Variants in SPIDR observed in about 807,000 individuals in gnomAD.
SPIDR encodes DNA repair-scaffolding protein.
Under a neutral mutation model 104.6 loss-of-function variants are expected in SPIDR, and 93 were observed. The ratio of observed to expected loss-of-function variants is 0.89; its 90% CI spans 0.75 to 1.06. The LOEUF is 1.06. Among genes scored for constraint, SPIDR ranks in the 50% least tolerant of loss-of-function variants. SPIDR has a pLI of 0.00. For synonymous variants in SPIDR, 431 were observed against 416.9 expected (o/e 1.03, Z -0.41); for missense variants, 1,154 against 1,111.2 (o/e 1.04, Z -0.55).
At chr8:47,478,924 C>G (rs138202827) in intron 8 of SPIDR, among the ~76,000 whole-genome samples, 49 of 152,276 alleles carry the variant, frequency 3.2e-4, no homozygotes, top group African/African-American at 1.1e-3. Context: ...GAGGCACTTA[C>G]TCATCCAAGC....
At chr8:47,453,342 T>C (rs920301662) in intron 8 of SPIDR, among the ~76,000 whole-genome samples, 2 of 152,226 alleles carry the variant, frequency 1.3e-5, no homozygotes, top group Non-Finnish European at 2.9e-5. Flanking sequence ...TGAATGACTT[T>C]CTTCACAGAG....
chr8:47,351,772 C>T (rs1244187852), intron 5 of SPIDR, among the ~76,000 whole-genome samples: 2 of 152,020 alleles, frequency 1.3e-5, no homozygotes, highest in Admixed American at 1.3e-4. Flanking sequence ...TATAACTAGT[C>T]TAGAGATGAA....
chr8:47,658,045 A>G (rs1052351117), intron 10 of SPIDR, among the ~76,000 whole-genome samples: 80 of 144,118 alleles, frequency 5.6e-4, no homozygotes, highest in African/African-American at 1.0e-3. Context: ...AAAAAAAAAA[A>G]AAAAGAAAAA....
intron 10 of SPIDR, among the ~76,000 whole-genome samples, chr8:47,669,096 A>G (rs1430759640): frequency 6.6e-6 from 1 of 152,234 alleles, no homozygotes; most frequent in Admixed American, 6.5e-5. Flanking sequence ...CATACAGATA[A>G]GCAACTTTTG....
chr8:47,279,863 G>A lies in SPIDR; in HGVS notation c.35G>A (p.Arg12Lys), dbSNP rs1040174636. The A allele has an allele frequency of 2.7e-5, 44 of 1,605,120 alleles. No individual in the cohort carries two copies. The highest frequency in any genetic ancestry group is 3.5e-5 in the Admixed American group (2 of 57,914). Residue 12 changes from arginine to lysine, a missense_variant and splice_region_variant, in exon 2 of 20, where the codon AGA (arginine) becomes AAA (lysine). Coordinates refer to ENST00000297423, the MANE Select transcript of SPIDR (RefSeq NM_001080394.4). ...TTCTTTTAAAAATCATCTCCACAGA[G>A]AAAAAGGAGTTGGAATACAGAATGC... ...PRGSRARGSKRKRSWNTECPS... is the reference protein window; with the variant it reads ...PRGSRARGSKKKRSWNTECPS...
chr8:47,277,086 G>C (rs1003933079), intron 1 of SPIDR: 9 of 151,664 alleles, frequency 5.9e-5, no homozygotes, highest in African/African-American at 2.2e-4. Context: ...GCGCCACCAC[G>C]CCTGGCTAAT....
At chr8:47,664,769 T>TAAAA (rs2074665703) in intron 10 of SPIDR, among the ~76,000 whole-genome samples, 1 of 137,632 alleles carries the variant, frequency 7.3e-6, no homozygotes. Flanking sequence ...AAAAAAAAAT[T>TAAAA]AGCCAGGTGT....
chr8:47,674,128 A>G (rs946912440), intron 11 of SPIDR, among the ~76,000 whole-genome samples, 187 bp downstream of exon 11: 2 of 152,238 alleles, frequency 1.3e-5, no homozygotes, highest in East Asian at 1.9e-4. Flanking sequence ...TTCAATTGAC[A>G]ACGAAAAGAA....
intron 7 of SPIDR, among the ~76,000 whole-genome samples, chr8:47,424,425 C>T (rs1554683217): frequency 6.6e-6 from 1 of 152,178 alleles, no homozygotes; most frequent in Non-Finnish European, 1.5e-5. Context: ...CTACCTCAAC[C>T]TCCAGAGTGG....
intron 8 of SPIDR, among the ~76,000 whole-genome samples, chr8:47,559,021 G>C (rs973615047): frequency 1.3e-5 from 2 of 152,212 alleles, no homozygotes; most frequent in Admixed American, 1.3e-4. Context: ...GATGGATCTT[G>C]TGCTGTATCT....
chr8:47,386,902 G>GAGAGAGAGATAT (rs1187194454), intron 5 of SPIDR, among the ~76,000 whole-genome samples: 1 of 99,336 alleles, frequency 1.0e-5, no homozygotes, highest in Non-Finnish European at 2.1e-5. Flanking sequence ...AAGAGAGAGA[G>GAGAGAGAGATAT]AGATATAGAT....
At chr8:47,421,568 G>A (rs1282742044) in intron 7 of SPIDR, among the ~76,000 whole-genome samples, 1 of 152,114 alleles carries the variant, frequency 6.6e-6, no homozygotes, top group East Asian at 1.9e-4. Flanking sequence ...TCCTGCTTTA[G>A]CTCGGAGTAG....
At chr8:47,334,833 T>G (rs2049400157) in intron 5 of SPIDR, among the ~76,000 whole-genome samples, 1 of 152,194 alleles carries the variant, frequency 6.6e-6, no homozygotes, top group Admixed American at 6.5e-5. Flanking sequence ...TTCTTATTTT[T>G]ATTTTCCACT....
intron 8 of SPIDR, among the ~76,000 whole-genome samples, chr8:47,500,782 C>T (rs1358110658): frequency 6.6e-6 from 1 of 152,174 alleles, no homozygotes; most frequent in Non-Finnish European, 1.5e-5. Context: ...TTAGGTCTAA[C>T]ATGTAAGTCT....
At position 47,713,590 on chromosome 8, in the gene SPIDR, C is replaced by G. The variant is rs774842164; in HGVS notation, c.2290C>G (p.Leu764Val). 1 of 1,614,152 alleles carries G rather than the reference C, an allele frequency of 6.2e-7. No individual in the cohort carries two copies. Among genetic ancestry groups the G allele is most frequent in the Non-Finnish European group, 8.5e-7 (1 of 1,180,028 alleles). ...SSCELPGPVMLDSLDSATPVN... is the reference protein window; with the variant it reads ...SSCELPGPVMVDSLDSATPVN... ...CTGTGAGCTGCCTGGCCCGGTGATG[C>G]TCGACAGCCTGGACTCTGCAACACC... is the stretch of plus-strand genomic sequence containing the variant. The change falls in exon 16 of 20, where the codon CTC (leucine) becomes GTC (valine). Residue 764 changes from leucine to valine, a missense_variant. Physicochemically the swap from Leu to Val is conservative, Grantham distance 32. Transcript: ENST00000297423.
intron 5 of SPIDR, among the ~76,000 whole-genome samples, chr8:47,351,159 C>T (rs1444063432): frequency 1.3e-5 from 2 of 152,298 alleles, no homozygotes; most frequent in African/African-American, 2.4e-5. Context: ...CATGTTGTTA[C>T]AATCGTTCTA....
intron 10 of SPIDR, among the ~76,000 whole-genome samples, chr8:47,655,986 A>G (rs1369547996): frequency 6.6e-6 from 1 of 152,232 alleles, no homozygotes; most frequent in African/African-American, 2.4e-5. Context: ...ATTCCAATCA[A>G]TGGTTTTGGA....
chr8:47,700,407 G>C lies in SPIDR; in HGVS notation c.1690G>C (p.Ala564Pro), dbSNP rs1180794232. 3 of 1,614,080 alleles carry C rather than the reference G, an allele frequency of 1.9e-6. No individual in the cohort carries two copies. Among genetic ancestry groups the C allele is most frequent in the Non-Finnish European group, 2.5e-6 (3 of 1,180,042 alleles). Residue 564 changes from alanine (A) to proline (P), a missense_variant, in exon 12 of 20, where the codon GCG (alanine) becomes CCG (proline). Transcript: ENST00000297423. ...VLQKVTRGRT[A>P]GIFSLIDTLW... Reference sequence around the variant, plus strand: ...CTTTGACTTTTCTTGTTCCAGGACAGCGGGGATTTTCAGTTTGATTGACAC... The same window carrying C: ...CTTTGACTTTTCTTGTTCCAGGACACCGGGGATTTTCAGTTTGATTGACAC...
At chr8:47,633,521 G>C (rs189880731) in intron 10 of SPIDR, among the ~76,000 whole-genome samples, 25 of 148,184 alleles carry the variant, frequency 1.7e-4, no homozygotes, top group Admixed American at 1.0e-3. Flanking sequence ...GAAAGATTTA[G>C]GTTTTTTCTT....
Sources: gnomAD v4.1 joint callset for allele counts (sites outside exome capture counted in the v4.1 genomes callset) on GRCh38, gnomAD v4.1.1 for gene constraint, MANE v1.5 for transcripts, NCBI Gene and HGNC (gene_info 2026-07-23, HGNC 2026-07-21) for gene names.